The following PTPRB variants were observed in gnomAD, a reference collection of about 807,000 sequenced individuals.
PTPRB encodes receptor-type tyrosine-protein phosphatase beta.
Under a neutral mutation model 238.1 loss-of-function variants are expected in PTPRB, and 97 were observed. The ratio of observed to expected loss-of-function variants is 0.41; its 90% confidence interval spans 0.35 to 0.48. The LOEUF (loss-of-function observed/expected upper bound fraction) is 0.48. Among genes scored for constraint, PTPRB ranks in the 20% least tolerant of loss-of-function variants. The pLI, the probability that PTPRB is intolerant of heterozygous loss-of-function variation, is 0.30. For synonymous variants in PTPRB, 970 were observed against 995.4 expected (o/e 0.97, Z 0.48); for missense variants, 2,292 against 2,681.9 (o/e 0.85, Z 3.21).
chr12:70,603,462 G>A (rs1352587454), intron 4 of PTPRB, among the ~76,000 whole-genome samples: 2 of 152,116 alleles, frequency 1.3e-5, no homozygotes, highest in African/African-American at 2.4e-5. Context: ...ATAACACGTG[G>A]TAATTTGAAA....
rs3970919 is a variant in PTPRB at position 70,534,811 on chromosome 12, T to TAAATG, written c.6204+21_6204+22insCATTT. On this transcript the variant is annotated intron_variant, in intron 30 of 33. Coordinates refer to ENST00000334414, the MANE Select transcript of PTPRB (RefSeq NM_001109754.4). ...CATTCATCTCCCCAAGCTCGGTTGT[T>TAAATG]AAGTCAAGCAAGCTAACATACACCG... The TAAATG allele has an allele frequency of 1.8e-3, 2,882 of 1,612,336 alleles. 41 individuals carry two copies. The African/African-American group carries it at 0.032, about 18-fold the overall frequency.
In PTPRB at chr12:70,581,306, A is replaced by G; in HGVS notation, c.2312-4T>C. 7 of 1,606,388 alleles carry G rather than the reference A, an allele frequency of 4.4e-6. No individual in the cohort carries two copies. In the Admixed American group the frequency reaches 1.2e-4, roughly 27 times the overall value. ...AAGTCAGTCACTTGGGCAGGCACTA[A>G]AACAGTAGACAGAAGAAAAAACAAA... On this transcript the variant is annotated splice_region_variant and splice_polypyrimidine_tract_variant and intron_variant, in intron 9 of 33. Transcript: ENST00000334414.
At chr12:70,525,091 T>C (rs1452862104) in intron 32 of PTPRB, among the ~76,000 whole-genome samples, 1 of 152,076 alleles carries the variant, frequency 6.6e-6, no homozygotes, top group Non-Finnish European at 1.5e-5. Context: ...GACACTCCTA[T>C]GTAGCTTACG....
At chr12:70,619,658 C>T (rs1566018433) in intron 3 of PTPRB, among the ~76,000 whole-genome samples, 2 of 152,062 alleles carry the variant, frequency 1.3e-5, no homozygotes, top group Admixed American at 1.3e-4. Context: ...CTAGACTCCC[C>T]AGCCTACACC....
At chr12:70,632,791 C>A (rs965860033) in intron 2 of PTPRB, among the ~76,000 whole-genome samples, 6 of 152,080 alleles carry the variant, frequency 3.9e-5, no homozygotes, top group Non-Finnish European at 8.8e-5. Context: ...AAATACAATA[C>A]CTCATTTAGT....
At chr12:70,571,558 C>G in intron 12 of PTPRB, 1 of 581,804 alleles carries the variant, frequency 1.7e-6, no homozygotes, top group Non-Finnish European at 3.0e-6. Context: ...AACAAGAAGT[C>G]TAGAATCTAA....
At chr12:70,522,663 T>G (rs1871776637) in intron 33 of PTPRB, 1 of 152,056 alleles carries the variant, frequency 6.6e-6, no homozygotes, top group African/African-American at 2.4e-5. Flanking sequence ...ATTTCCCACT[T>G]GAAAAGTGTT....
chr12:70,549,425 T>C (rs1456043284), intron 21 of PTPRB, among the ~76,000 whole-genome samples: 1 of 152,192 alleles, frequency 6.6e-6, no homozygotes, highest in African/African-American at 2.4e-5. Flanking sequence ...ACCATAATGA[T>C]CTGCCCTTTC....
intron 27 of PTPRB, chr12:70,538,592 C>A: frequency 2.3e-6 from 1 of 433,004 alleles, no homozygotes; most frequent in South Asian, 3.7e-5. Flanking sequence ...AATTGCTAAC[C>A]GAAGACTTTG....
chr12:70,534,362 A>C, intron 31 of PTPRB, 126 bp downstream of exon 31: 3 of 1,034,674 alleles, frequency 2.9e-6, no homozygotes, highest in Non-Finnish European at 4.2e-6. Flanking sequence ...TCTGGGGGCG[A>C]GGCAGGCTGG....
At chr12:70,607,500 C>G (rs577705374) in intron 4 of PTPRB, among the ~76,000 whole-genome samples, 1 of 151,908 alleles carries the variant, frequency 6.6e-6, no homozygotes, top group African/African-American at 2.4e-5. Flanking sequence ...TGGTCTATTT[C>G]AGGCTCTCTG....
At chr12:70,591,768 CTT>C (rs1592551215) in intron 7 of PTPRB, 1 of 156,052 alleles carries the variant, frequency 6.4e-6, no homozygotes, top group East Asian at 1.9e-4. Flanking sequence ...AAAAACCACT[CTT>C]AGCTTGAGGG....
Position 70,587,220 on chromosome 12 carries a change from A to G in PTPRB, c.2098T>C (p.Ser700Pro), listed in dbSNP as rs777769687. 2 of 1,613,826 alleles carry G rather than the reference A, an allele frequency of 1.2e-6. No individual in the cohort carries two copies. The highest frequency in any genetic ancestry group is 3.3e-5 in the Admixed American group (2 of 60,006). Residue 700 changes from serine to proline, a missense_variant, in exon 9 of 34, where the codon TCA (serine) becomes CCA (proline). This residue lies in a region of PTPRB where 1,205 missense variants were observed against 1,287.8 expected (regional missense o/e 0.94). Coordinates refer to ENST00000334414, the MANE Select transcript of PTPRB (RefSeq NM_001109754.4). ...GGGGTCTGCCACATGATACTCAGTG[A>G]GGTTTCATTGGCATGTTTGACACGA... ...QLRVKHANET[S>P]LSIMWQTPVA...
intron 11 of PTPRB, among the ~76,000 whole-genome samples, chr12:70,572,632 G>A (rs1880202269): frequency 6.6e-6 from 1 of 151,880 alleles, no homozygotes; most frequent in Non-Finnish European, 1.5e-5. Flanking sequence ...AGCTGGGCAT[G>A]GTGGTGCACA....
At chr12:70,537,349 G>A (rs552773826) in intron 28 of PTPRB, among the ~76,000 whole-genome samples, 1 of 150,872 alleles carries the variant, frequency 6.6e-6, no homozygotes, top group South Asian at 2.1e-4. Flanking sequence ...CAGCCCTGAT[G>A]GATCAGAATC....
intron 2 of PTPRB, among the ~76,000 whole-genome samples, chr12:70,629,054 T>C (rs1211640140): frequency 6.6e-6 from 1 of 152,190 alleles, no homozygotes; most frequent in Non-Finnish European, 1.5e-5. Context: ...GAAACATTTA[T>C]TAATTTATTC....
chr12:70,528,093 CA>C (rs1363977265), intron 32 of PTPRB, among the ~76,000 whole-genome samples: 1 of 152,144 alleles, frequency 6.6e-6, no homozygotes, highest in Non-Finnish European at 1.5e-5. Context: ...ACCTGGATAG[CA>C]TTTGGAATTT....
chr12:70,583,017 C>G (rs1223931018), intron 9 of PTPRB, among the ~76,000 whole-genome samples: 1 of 152,068 alleles, frequency 6.6e-6, no homozygotes, highest in Non-Finnish European at 1.5e-5. Context: ...AATGGCTATT[C>G]CATTAGAATG....
intron 15 of PTPRB, among the ~76,000 whole-genome samples, chr12:70,563,534 C>T (rs974121303): frequency 2.0e-5 from 3 of 152,204 alleles, no homozygotes; most frequent in African/African-American, 7.2e-5. Flanking sequence ...TCCCATGGAT[C>T]CATCCTTTGT....
Sources: allele counts gnomAD v4.1 joint callset (sites outside exome capture counted in the v4.1 genomes callset), GRCh38; gene constraint gnomAD v4.1.1; regional missense constraint gnomAD v4.1.1; transcripts MANE v1.5; gene names NCBI Gene and HGNC (gene_info 2026-07-23, HGNC 2026-07-21).